Variants in NALCN observed in about 807,000 individuals in gnomAD.
The protein encoded by NALCN is sodium leak channel NALCN.
Under a neutral mutation model 225.3 loss-of-function variants are expected in NALCN, and 111 were observed. The ratio of observed to expected loss-of-function variants is 0.49; its 90% CI spans 0.42 to 0.58. The LOEUF (loss-of-function observed/expected upper bound fraction) is 0.58. Ranked by LOEUF, NALCN falls within the 20% of genes least tolerant of loss-of-function variation. NALCN has a pLI of 0.00. For missense variants in NALCN, 1,378 were observed against 2,202.4 expected (o/e 0.63, Z 7.49); for synonymous variants, 764 against 769.0 (o/e 0.99, Z 0.11).
At chr13:101,154,967 G>T (rs1397089668) in intron 15 of NALCN, among the ~76,000 whole-genome samples, 1 of 152,046 alleles carries the variant, frequency 6.6e-6, no homozygotes, top group African/African-American at 2.4e-5. Flanking sequence ...GATCAAAAAA[G>T]AATAATAAAG....
chr13:101,110,017 G>C (rs2035346298), intron 20 of NALCN, among the ~76,000 whole-genome samples: 1 of 152,102 alleles, frequency 6.6e-6, no homozygotes, highest in Non-Finnish European at 1.5e-5. Flanking sequence ...TAAAATTTAA[G>C]CTCCAGGAGG....
At chr13:101,095,282 AT>A (rs1358911066) in intron 28 of NALCN, among the ~76,000 whole-genome samples, 3 of 152,156 alleles carry the variant, frequency 2.0e-5, no homozygotes, top group Non-Finnish European at 4.4e-5. Context: ...GTTAAGCCTA[AT>A]TTTTTAAGGC....
chr13:101,098,925 C>T (rs954158329), intron 27 of NALCN, among the ~76,000 whole-genome samples: 1 of 151,958 alleles, frequency 6.6e-6, no homozygotes, highest in Non-Finnish European at 1.5e-5. Flanking sequence ...ATCTGAGCCT[C>T]GCACAGACCT....
intron 18 of NALCN, among the ~76,000 whole-genome samples, chr13:101,115,488 AC>A (rs1720203811): frequency 6.6e-6 from 1 of 152,228 alleles, no homozygotes. Context: ...ATAGTGAGTA[AC>A]TACAAAATTT....
At chr13:101,290,233 A>G (rs540408843) in intron 9 of NALCN, among the ~76,000 whole-genome samples, 1 of 152,224 alleles carries the variant, frequency 6.6e-6, no homozygotes, top group East Asian at 1.9e-4. Flanking sequence ...GCTTCCAAAC[A>G]CTATTTTTTC....
In NALCN at chr13:101,073,363, G is replaced by T. The variant is rs370658907; in HGVS notation, c.4197+221C>A. On this transcript the variant is annotated intron_variant, in intron 37 of 43. Transcript: ENST00000251127. Reference sequence around the variant, plus strand: ...AACACTCACAAAATGCATATTTGTTGAATGGAACTACAATAGCTCAAGTTG... The same window carrying T: ...AACACTCACAAAATGCATATTTGTTTAATGGAACTACAATAGCTCAAGTTG... 3.5e-3 allele frequency among the ~76,000 whole-genome samples: 536 copies of T among 152,276 alleles called. 3 individuals are homozygous for T. The highest frequency in any genetic ancestry group is 0.013 in the African/African-American group (520 of 41,540).
intron 10 of NALCN, among the ~76,000 whole-genome samples, chr13:101,273,901 A>G (rs71439699): frequency 4.4e-4 from 55 of 123,770 alleles, no homozygotes; most frequent in African/African-American, 1.3e-3. Context: ...AAAAAAAAAA[A>G]AAAAAAGAAA....
intron 2 of NALCN, among the ~76,000 whole-genome samples, chr13:101,397,107 T>TATATAC (rs1555346488): frequency 2.4e-5 from 2 of 83,374 alleles, no homozygotes; most frequent in Non-Finnish European, 4.6e-5. Context: ...TATATATATA[T>TATATAC]ATACATACAC....
At chr13:101,347,593 TTGGTACCTACAATATAACAGTAAGA>T (rs1461287125) in intron 6 of NALCN, among the ~76,000 whole-genome samples, 1 of 152,172 alleles carries the variant, frequency 6.6e-6, no homozygotes. Flanking sequence ...CATCAATGAT[TTGGTACCTACAATATAACAGTAAGA>T]TGGTAAGGAG....
chr13:101,224,619 G>A (rs750345902), intron 13 of NALCN, among the ~76,000 whole-genome samples: 1 of 151,968 alleles, frequency 6.6e-6, no homozygotes, highest in African/African-American at 2.4e-5. Context: ...ACCCCTTCAT[G>A]ACCTTTGAAC....
At chr13:101,305,402 C>T (rs1178850828) in intron 7 of NALCN, among the ~76,000 whole-genome samples, 1 of 152,212 alleles carries the variant, frequency 6.6e-6, no homozygotes, top group Non-Finnish European at 1.5e-5. Flanking sequence ...AAATATCCAG[C>T]ACAAATCATT....
chr13:101,252,849 T>C (rs2042102260), intron 11 of NALCN, among the ~76,000 whole-genome samples: 1 of 152,160 alleles, frequency 6.6e-6, no homozygotes, highest in Admixed American at 6.5e-5. Context: ...TTCCTTGTTG[T>C]ATCTCTCCCA....
chr13:101,167,079 T>C (rs2038476731), intron 15 of NALCN, among the ~76,000 whole-genome samples: 2 of 152,212 alleles, frequency 1.3e-5, no homozygotes, highest in African/African-American at 4.8e-5. Flanking sequence ...TCTATATGTG[T>C]GCCTTTATGC....
intron 10 of NALCN, among the ~76,000 whole-genome samples, chr13:101,277,720 GTTTA>G (rs1346296346): frequency 2.0e-5 from 3 of 151,968 alleles, no homozygotes; most frequent in Non-Finnish European, 4.4e-5. Context: ...TTTATTACTT[GTTTA>G]TTTATTTCCA....
intron 11 of NALCN, among the ~76,000 whole-genome samples, chr13:101,253,923 T>C (rs1311570124): frequency 6.6e-6 from 1 of 152,222 alleles, no homozygotes; most frequent in Non-Finnish European, 1.5e-5. Context: ...TTTATAAAAA[T>C]AGAATATATT....
chr13:101,360,104 CTT>C (rs2046192673), intron 6 of NALCN, among the ~76,000 whole-genome samples: 3 of 136,992 alleles, frequency 2.2e-5, no homozygotes, highest in African/African-American at 3.2e-5. Context: ...TTTTCTTTCT[CTT>C]TCTCTTTTTC....
intron 6 of NALCN, among the ~76,000 whole-genome samples, chr13:101,351,288 A>T (rs970244769): frequency 6.6e-6 from 1 of 152,184 alleles, no homozygotes; most frequent in Non-Finnish European, 1.5e-5. Context: ...TGGCTTTAGT[A>T]GCTTCCATGT....
At chr13:101,308,414 G>A (rs960793115) in intron 7 of NALCN, among the ~76,000 whole-genome samples, 1 of 152,118 alleles carries the variant, frequency 6.6e-6, no homozygotes, top group African/African-American at 2.4e-5. Flanking sequence ...AGAAGCCAAG[G>A]ACAGACTTGG....
rs2043061773 is a variant in NALCN, at chr13:101,279,096, T to C, written c.1134+4837A>G. The stretch of plus-strand genomic sequence containing the variant: ...TCTAAAGTAATGGAATTTCCCCTGG[T>C]TGGAGAAGCAGACATCAACAACTAA... On this transcript the variant is annotated intron_variant, in intron 10 of 43. Coordinates refer to ENST00000251127, the MANE Select transcript of NALCN (RefSeq NM_052867.4). Among the ~76,000 whole-genome samples the C allele has an allele frequency of 1.3e-5, 2 of 148,580 alleles. 1 individual carries two copies. Among genetic ancestry groups the C allele is most frequent in the Admixed American group, 1.3e-4 (2 of 14,858 alleles).
Sources: allele counts gnomAD v4.1 joint callset (sites outside exome capture counted in the v4.1 genomes callset), GRCh38; gene constraint gnomAD v4.1.1; transcripts MANE v1.5; gene names NCBI Gene and HGNC (gene_info 2026-07-23, HGNC 2026-07-21).